HMG20A: variants seen among roughly 807,000 people sequenced by gnomAD.
HMG20A encodes high mobility group protein 20A.
HMG20A carries 17 observed loss-of-function variants against 43.9 expected under a neutral mutation model. The ratio of observed to expected loss-of-function variants is 0.39; its 90% CI spans 0.27 to 0.58. HMG20A has a LOEUF of 0.58. Among genes scored for constraint, HMG20A ranks in the 20% least tolerant of loss-of-function variants. The pLI is 0.59. For missense variants in HMG20A, 341 were observed against 438.2 expected (o/e 0.78, Z 1.98); for synonymous variants, 132 against 147.5 (o/e 0.89, Z 0.76).
chr15:77,463,715 G>A (rs1014275818), intron 2 of HMG20A, among the ~76,000 whole-genome samples: 3 of 152,158 alleles, frequency 2.0e-5, no homozygotes, highest in African/African-American at 4.8e-5. Flanking sequence ...TAACTTGATA[G>A]TATTGTTCTT....
At chr15:77,511,639 T>C in the HMG20A span, among the ~76,000 whole-genome samples, 1 of 152,114 alleles carries the variant, frequency 6.6e-6, no homozygotes, top group Admixed American at 6.6e-5. Flanking sequence ...GATATACAAA[T>C]GGCTGATAAG....
rs1181836930 is a variant in HMG20A at position 77,483,282 on chromosome 15, G to A, written c.*319G>A. On this transcript the variant is annotated 3_prime_UTR_variant, in exon 10 of 10. Coordinates refer to ENST00000336216, the MANE Select transcript of HMG20A (RefSeq NM_001304504.2). The stretch of plus-strand genomic sequence containing the variant: ...ATATCTTCAGCTTACTAGGTGACCC[G>A]GATGCTGACATCTGCTGCTGCAGAA... 1.3e-5 allele frequency: 2 copies of A among 152,146 alleles called. No individual in the cohort carries two copies. The highest frequency in any genetic ancestry group is 2.4e-5 in the African/African-American group (1 of 41,426). 9.4% of individuals were successfully genotyped at this position (152,146 alleles called of 1,614,324 possible).
At chr15:77,480,136 CA>C (rs2072892979) in intron 9 of HMG20A, among the ~76,000 whole-genome samples, 1 of 148,836 alleles carries the variant, frequency 6.7e-6, no homozygotes, top group African/African-American at 2.4e-5. Flanking sequence ...ACAAAAAATA[CA>C]AAAAATTAGC....
intron 3 of HMG20A, 61 bp from the exon 4 acceptor site, chr15:77,467,034 G>A (rs2072762513): frequency 7.3e-7 from 1 of 1,362,772 alleles, no homozygotes; most frequent in Non-Finnish European, 1.0e-6. Context: ...GTTGTTGTTG[G>A]GTTATTTTGG....
At chr15:77,450,960 A>C (rs988421996) in intron 1 of HMG20A, among the ~76,000 whole-genome samples, 1 of 152,128 alleles carries the variant, frequency 6.6e-6, no homozygotes, top group African/African-American at 2.4e-5. Context: ...GCACTCAGGA[A>C]ATTTCAGATT....
chr15:77,511,033 G>A, the HMG20A span, among the ~76,000 whole-genome samples: 7 of 152,212 alleles, frequency 4.6e-5, no homozygotes, highest in Non-Finnish European at 8.8e-5. Flanking sequence ...GAGCAGGGAG[G>A]TGGCCAAGTG....
intron 3 of HMG20A, among the ~76,000 whole-genome samples, chr15:77,465,567 G>A (rs773725705): frequency 3.3e-5 from 5 of 151,952 alleles, no homozygotes; most frequent in Non-Finnish European, 5.9e-5. Flanking sequence ...AGGCAATTTT[G>A]TATTTTCAGT....
intron 7 of HMG20A, 77 bp from the exon 8 acceptor site, chr15:77,478,218 T>A: frequency 6.9e-7 from 1 of 1,449,928 alleles, no homozygotes; most frequent in Non-Finnish European, 9.7e-7. Context: ...TAAGCAGAAC[T>A]TCCCTGTAAG....
intron 1 of HMG20A, among the ~76,000 whole-genome samples, chr15:77,424,449 C>T (rs1373887316): frequency 6.6e-6 from 1 of 152,186 alleles, no homozygotes; most frequent in Non-Finnish European, 1.5e-5. Context: ...CTCCCTAAGC[C>T]TCAGTTTTCC....
intron 1 of HMG20A, among the ~76,000 whole-genome samples, chr15:77,454,180 A>G (rs1446088230): frequency 6.0e-5 from 9 of 150,768 alleles, no homozygotes; most frequent in Non-Finnish European, 8.8e-5. Context: ...AAAAAAAAAA[A>G]CAAAGTAGAT....
chr15:77,461,526 A>G (rs1430973350), intron 2 of HMG20A, among the ~76,000 whole-genome samples: 1 of 152,170 alleles, frequency 6.6e-6, no homozygotes, highest in Non-Finnish European at 1.5e-5. Context: ...AAGGGTGCAA[A>G]TAGAAGGGTT....
intron 1 of HMG20A, among the ~76,000 whole-genome samples, chr15:77,431,513 G>T (rs2073484519): frequency 6.6e-6 from 1 of 151,550 alleles, no homozygotes; most frequent in African/African-American, 2.4e-5. Flanking sequence ...TGCCCAGCTG[G>T]TTTTTTTTGT....
At chr15:77,471,117 TG>T in intron 5 of HMG20A, 75 bp downstream of exon 5, 4 of 1,422,918 alleles carry the variant, frequency 2.8e-6, no homozygotes, top group Non-Finnish European at 3.8e-6. Context: ...CTGTTAAGAG[TG>T]GTAACTATAA....
Position 77,458,428 on chromosome 15 carries a change from C to T in HMG20A, c.21C>T (p.Ser7=). MENLMT[S]STLPPLFADE... ...GAGAGATGGAAAACTTGATGACTAG[C>T]TCCACCCTACCGCCCCTTTTTGCAG... The change falls in exon 2 of 10, where the codon AGC becomes AGT. Residue 7 remains serine, a synonymous_variant. Transcript: ENST00000336216. 1 of 1,612,996 alleles carries T rather than the reference C, an allele frequency of 6.2e-7. No individual in the cohort carries two copies. The highest frequency in any genetic ancestry group is 2.2e-5 in the East Asian group (1 of 44,862).
chr15:77,476,172 G>A (rs1305098387), intron 6 of HMG20A, among the ~76,000 whole-genome samples: 1 of 152,042 alleles, frequency 6.6e-6, no homozygotes, highest in African/African-American at 2.4e-5. Flanking sequence ...AGTCATTTTT[G>A]TGTTCAAAGA....
At chr15:77,469,186 A>G (rs1046327219) in intron 4 of HMG20A, among the ~76,000 whole-genome samples, 3 of 151,130 alleles carry the variant, frequency 2.0e-5, no homozygotes, top group African/African-American at 7.3e-5. Flanking sequence ...TACCTGGTAC[A>G]TTATTTAAAT....
At position 77,444,993 on chromosome 15, in the gene HMG20A, T is replaced by C. The variant is rs564657224; in HGVS notation, c.-4-13411T>C. Among the ~76,000 whole-genome samples, 16 of 151,464 alleles carry C rather than the reference T, an allele frequency of 1.1e-4. No individual in the cohort carries two copies. The East Asian group carries it at 3.1e-3, about 29-fold the overall frequency. Reference sequence around the variant, plus strand: ...TTCCTCTGCTATCGAGCATCCTCTGTTTTTCTTTTAGGAAATCTTCCTAGG... The same window carrying C: ...TTCCTCTGCTATCGAGCATCCTCTGCTTTTCTTTTAGGAAATCTTCCTAGG... On this transcript the variant is annotated intron_variant, in intron 1 of 9. Coordinates refer to ENST00000336216, the MANE Select transcript of HMG20A (RefSeq NM_001304504.2).
chr15:77,511,353 AT>A, the HMG20A span, among the ~76,000 whole-genome samples: 1 of 152,216 alleles, frequency 6.6e-6, no homozygotes, highest in Non-Finnish European at 1.5e-5. Flanking sequence ...AGCCCCCAAA[AT>A]AAATGAGCAA....
intron 1 of HMG20A, among the ~76,000 whole-genome samples, chr15:77,424,034 A>ACTG (rs2073399285): frequency 1.3e-5 from 2 of 152,196 alleles, no homozygotes; most frequent in African/African-American, 4.8e-5. Context: ...CCAAATATTC[A>ACTG]TATTCTACTG....
Sources: allele counts gnomAD v4.1 joint callset (sites outside exome capture counted in the v4.1 genomes callset), GRCh38; gene constraint gnomAD v4.1.1; transcripts MANE v1.5; gene names NCBI Gene and HGNC (gene_info 2026-07-23, HGNC 2026-07-21).